The following MAP7D3 variants were observed in gnomAD, a reference collection of about 807,000 sequenced individuals.
The protein encoded by MAP7D3 is MAP7 domain-containing protein 3.
In MAP7D3, 45 loss-of-function variants were observed where a neutral mutation model predicts 62.2. The ratio of observed to expected loss-of-function variants is 0.72; its 90% confidence interval spans 0.57 to 0.93. The LOEUF is 0.93. Ranked by LOEUF, MAP7D3 falls within the 40% of genes least tolerant of loss-of-function variation. MAP7D3 has a pLI of 0.00. For synonymous variants in MAP7D3, 288 were observed against 248.8 expected (o/e 1.16, Z -1.48); for missense variants, 711 against 683.1 (o/e 1.04, Z -0.45).
At position 136,231,828 on chromosome X, in the gene MAP7D3, C is replaced by G. The variant is rs1569531874; in HGVS notation, c.1129G>C (p.Val377Leu). The change falls in exon 8 of 19, where the codon GTT (valine) becomes CTT (leucine). Residue 377 changes from valine to leucine, a missense_variant. Physicochemically the swap from Val to Leu is conservative, Grantham distance 32. Transcript: ENST00000316077. ...GATGCTACTATGCTCACCTTGGGAA[C>G]TGTTTCCAGGTCCACCTTCGGGAGT... Reference protein sequence around the residue: ...EALPKVDLETVPKVSIVASPE... With the variant: ...EALPKVDLETLPKVSIVASPE... 1 of 1,211,792 alleles carries G rather than the reference C, an allele frequency of 8.3e-7. No individual in the cohort carries two copies. Among genetic ancestry groups the G allele is most frequent in the Non-Finnish European group, 1.1e-6 (1 of 895,534 alleles).
chrX:136,237,356 G>A (rs1325875488), intron 6 of MAP7D3, among the ~76,000 whole-genome samples: 3 of 111,812 alleles, frequency 2.7e-5, no homozygotes, highest in African/African-American at 9.7e-5. Flanking sequence ...AATCAGCAAT[G>A]AGTAGAAAAA....
chrX:136,240,840 A>T (rs916877348), intron 5 of MAP7D3, among the ~76,000 whole-genome samples: 1 of 112,321 alleles, frequency 8.9e-6, no homozygotes. Flanking sequence ...ATTTACACTA[A>T]ATCAATAGTA....
At chrX:136,231,097 CT>C in intron 8 of MAP7D3, 131 bp from the exon 9 acceptor site, 1 of 435,038 alleles carries the variant, frequency 2.3e-6, no homozygotes, top group Non-Finnish European at 3.6e-6. Context: ...CTGCAATTTT[CT>C]TTTAGAGTAT....
intron 9 of MAP7D3, 122 bp downstream of exon 9, chrX:136,230,717 A>G (rs1276692055): frequency 2.8e-5 from 26 of 920,748 alleles, no homozygotes; most frequent in Non-Finnish European, 3.9e-5. Context: ...CCCTTTTTAC[A>G]GGCTTTTTTC....
At chrX:136,229,993 A>ATAT (rs1210531192) in intron 10 of MAP7D3, among the ~76,000 whole-genome samples, 868 of 48,045 alleles carry the variant, frequency 0.018, 11 homozygotes, top group Middle Eastern at 0.022. Context: ...ATATATATAT[A>ATAT]TTTTTTTTTT....
chrX:136,256,161 C>A, upstream of MAP7D3: 1 of 1,109,842 alleles, frequency 9.0e-7, no homozygotes, highest in Non-Finnish European at 1.2e-6. Context: ...GTCGCTCACT[C>A]TTGTCCTGCA....
At chrX:136,256,409 C>A in exon 1 of MAP7D3, 1 of 975,407 alleles carries the variant, frequency 1.0e-6, no homozygotes, top group Non-Finnish European at 1.4e-6. Context: ...CAGTACCCCT[C>A]CTTCCTGTGG....
downstream of MAP7D3, chrX:136,216,782 C>CT (rs1027868204): frequency 1.1e-3 from 118 of 111,642 alleles, no homozygotes; most frequent in African/African-American, 3.6e-3. Flanking sequence ...CACCAGTACA[C>CT]TTTTTTTAGT....
chrX:136,236,038 AG>A (rs1355423377), intron 7 of MAP7D3, among the ~76,000 whole-genome samples: 1 of 112,446 alleles, frequency 8.9e-6, no homozygotes, highest in Non-Finnish European at 1.9e-5. Flanking sequence ...ACCCCTTGTC[AG>A]ATGATGGCAG....
intron 11 of MAP7D3, 77 bp downstream of exon 11, chrX:136,228,546 G>A: frequency 1.0e-6 from 1 of 972,530 alleles, no homozygotes; most frequent in Non-Finnish European, 1.4e-6. Flanking sequence ...TTTATAACTT[G>A]AGGGTAAAAT....
At chrX:136,216,463 A>G, downstream of MAP7D3, among the ~76,000 whole-genome samples, 1 of 106,692 alleles carries the variant, frequency 9.4e-6, no homozygotes, top group Non-Finnish European at 1.9e-5. Flanking sequence ...AAAGCCAGGT[A>G]TGGTGCCATG....
At chrX:136,240,660 A>G (rs982604000) in intron 5 of MAP7D3, among the ~76,000 whole-genome samples, 174 bp from the exon 6 acceptor site, 2 of 111,382 alleles carry the variant, frequency 1.8e-5, no homozygotes, top group African/African-American at 3.3e-5. Context: ...GGGCTTCACC[A>G]TGTTGGCCAG....
At position 136,222,414 on chromosome X, in the gene MAP7D3, A is replaced by G. The variant is rs776702818; in HGVS notation, c.2266T>C (p.Leu756=). The change falls in exon 15 of 19, where the codon TTG becomes CTG. Residue 756 remains leucine, a synonymous_variant. Coordinates refer to ENST00000316077, the MANE Select transcript of MAP7D3 (RefSeq NM_024597.4). ...TAACCTGATGGAAACATTTCATTCA[A>G]TGAGTCCTTGTCGCTTTCTTCGTTG... ...ADNEESDKDS[L]NEMFPSAILN... 1.7e-6 allele frequency: 2 copies of G among 1,208,672 alleles called. No individual in the cohort carries two copies. Among genetic ancestry groups the G allele is most frequent in the Non-Finnish European group, 2.2e-6 (2 of 892,744 alleles).
At chrX:136,246,579 G>T (rs1003818233) in intron 1 of MAP7D3, among the ~76,000 whole-genome samples, 2 of 112,217 alleles carry the variant, frequency 1.8e-5, no homozygotes, top group African/African-American at 3.2e-5. Flanking sequence ...TAGACATAAA[G>T]ATAATTGAGT....
At chrX:136,244,518 G>A (rs138975467) in intron 4 of MAP7D3, 114 bp downstream of exon 4, 1 of 602,346 alleles carries the variant, frequency 1.7e-6, no homozygotes, top group African/African-American at 2.3e-5. Flanking sequence ...AGAAAGAGCT[G>A]GGATTGGTTC....
At chrX:136,225,298 AAG>A (rs1433874334) in intron 13 of MAP7D3, among the ~76,000 whole-genome samples, 2 of 112,265 alleles carry the variant, frequency 1.8e-5, no homozygotes, top group Non-Finnish European at 3.8e-5. Flanking sequence ...TGTGTTAATG[AAG>A]AGAGAAGATA....
rs940928286 is a variant in MAP7D3, at chrX:136,221,089, G to A, written c.2288-126C>T. 4.2e-5 allele frequency: 22 copies of A among 520,564 alleles called. No homozygotes were observed. The Admixed American group carries it at 4.6e-4, about 11-fold the overall frequency. 42.9% of individuals were successfully genotyped at this position (520,564 alleles called of 1,213,427 possible). On this transcript the variant is annotated intron_variant, in intron 15 of 18. Coordinates refer to ENST00000316077, the MANE Select transcript of MAP7D3 (RefSeq NM_024597.4). ...GCCTGAAGGCAGGAAGAGTCAAGCA[G>A]CAGTACTCCTGGGAGGCAGGCCCAG... is the stretch of plus-strand genomic sequence containing the variant.
chrX:136,249,269 T>G (rs1430998402), intron 1 of MAP7D3, among the ~76,000 whole-genome samples: 1 of 112,362 alleles, frequency 8.9e-6, no homozygotes, highest in Non-Finnish European at 1.9e-5. Context: ...GCTGTCAATC[T>G]CCGTAGCTTT....
intron 6 of MAP7D3, among the ~76,000 whole-genome samples, chrX:136,238,176 C>CAATAAA (rs2074351542): frequency 9.0e-6 from 1 of 111,294 alleles, no homozygotes; most frequent in African/African-American, 3.3e-5. Context: ...AATAGTGCCG[C>CAATAAA]AATAAAAATA....
Sources: allele counts gnomAD v4.1 joint callset (sites outside exome capture counted in the v4.1 genomes callset), GRCh38; gene constraint gnomAD v4.1.1; transcripts MANE v1.5; gene names NCBI Gene and HGNC (gene_info 2026-07-23, HGNC 2026-07-21).